Variants in SELENOI observed in about 807,000 individuals in gnomAD.
SELENOI encodes the protein selenoprotein I.
Under a neutral mutation model 50.7 loss-of-function variants are expected in SELENOI, and 24 were observed. The observed-to-expected ratio is 0.47, with a 90% CI of 0.34 to 0.67. The LOEUF (loss-of-function observed/expected upper bound fraction) is 0.67. Among genes scored for constraint, SELENOI ranks in the 30% least tolerant of loss-of-function variants. The pLI, the probability that SELENOI is intolerant of heterozygous loss-of-function variation, is 0.01. For synonymous variants in SELENOI, 155 were observed against 170.2 expected (o/e 0.91, Z 0.70); for missense variants, 352 against 461.4 (o/e 0.76, Z 2.17).
intron 4 of SELENOI, among the ~76,000 whole-genome samples, chr2:26,369,627 C>G (rs1322053859): frequency 6.6e-6 from 1 of 152,214 alleles, no homozygotes; most frequent in Non-Finnish European, 1.5e-5. Context: ...GCCTGTCATT[C>G]ATACCGTCAG....
At chr2:26,350,783 T>C (rs1676939881) in intron 1 of SELENOI, among the ~76,000 whole-genome samples, 1 of 151,976 alleles carries the variant, frequency 6.6e-6, no homozygotes, top group African/African-American at 2.4e-5. Context: ...GGGATGGAGG[T>C]GAAGGCAAAG....
intron 1 of SELENOI, among the ~76,000 whole-genome samples, chr2:26,357,542 A>G (rs1237381603): frequency 6.6e-6 from 1 of 152,208 alleles, no homozygotes; most frequent in East Asian, 1.9e-4. Context: ...TGGCAGAGCC[A>G]CACACCCTCC....
chr2:26,355,494 C>T (rs1025605021), intron 1 of SELENOI, among the ~76,000 whole-genome samples: 2 of 152,218 alleles, frequency 1.3e-5, no homozygotes, highest in African/African-American at 2.4e-5. Flanking sequence ...AGTTCATTCA[C>T]TAAATGACGC....
intron 8 of SELENOI, among the ~76,000 whole-genome samples, chr2:26,385,435 G>C (rs11690560): frequency 1.3e-5 from 2 of 152,094 alleles, no homozygotes; most frequent in Non-Finnish European, 2.9e-5. Context: ...ATTCCCTTTA[G>C]ACTCTAAATA....
rs1320914921 is a variant in SELENOI, at chr2:26,385,134, A to G, written c.907A>G (p.Ser303Gly). Residue 303 changes from serine (S) to glycine (G), a missense_variant, in exon 8 of 10, where the codon AGT becomes GGT. Physicochemically the swap from Ser to Gly is moderately conservative, Grantham distance 56. Coordinates refer to ENST00000260585, the MANE Select transcript of SELENOI (RefSeq NM_033505.4). ...TATGGTTGGAACAGCTTTTGCCAAC[A>G]GTACAGTAAGATTTTTTTCTTTTAA... Reference protein sequence around the residue: ...YFMVGTAFANSTCQLIVCQMS... With the variant: ...YFMVGTAFANGTCQLIVCQMS... 6.6e-7 allele frequency: 1 copy of G among 1,519,296 alleles called. No homozygotes were observed. The highest frequency in any genetic ancestry group is 8.8e-7 in the Non-Finnish European group (1 of 1,135,162). 94.1% of individuals were successfully genotyped at this position (1,519,296 alleles called of 1,614,324 possible).
intron 6 of SELENOI, among the ~76,000 whole-genome samples, chr2:26,379,313 A>G (rs919280320): frequency 2.6e-5 from 4 of 151,910 alleles, no homozygotes; most frequent in East Asian, 3.9e-4. Flanking sequence ...GCTTTTCCCT[A>G]TTTTTTCTTT....
chr2:26,377,783 G>A (rs1332475599), intron 6 of SELENOI, among the ~76,000 whole-genome samples: 1 of 151,898 alleles, frequency 6.6e-6, no homozygotes, highest in African/African-American at 2.4e-5. Context: ...TTTAAAGTCT[G>A]TCTACTGAGT....
chr2:26,358,636 T>C (rs1383766979), intron 1 of SELENOI, among the ~76,000 whole-genome samples: 2 of 152,232 alleles, frequency 1.3e-5, no homozygotes, highest in East Asian at 1.9e-4. Context: ...CTGAGAGTTT[T>C]GGTAGGAATA....
At chr2:26,372,082 T>A (rs1452990538) in intron 4 of SELENOI, among the ~76,000 whole-genome samples, 1 of 152,216 alleles carries the variant, frequency 6.6e-6, no homozygotes, top group African/African-American at 2.4e-5. Flanking sequence ...GTTTGTGATA[T>A]ACCATACCTT....
intron 1 of SELENOI, 106 bp downstream of exon 1, chr2:26,346,395 G>A: frequency 7.5e-7 from 1 of 1,331,028 alleles, no homozygotes; most frequent in Non-Finnish European, 9.8e-7. Context: ...GTGGCTCCGG[G>A]CGGGCTGGCG....
intron 6 of SELENOI, 32 bp downstream of exon 6, chr2:26,375,180 C>G: frequency 7.1e-7 from 1 of 1,401,290 alleles, no homozygotes; most frequent in Non-Finnish European, 1.0e-6. Context: ...CCTGTTTTAA[C>G]CATCACTTTG....
Position 26,391,224 on chromosome 2 carries a change from T to A in SELENOI, c.*2121T>A, listed in dbSNP as rs1160264339. ...ATGGTGGTAAAGAATGATGCCATAG[T>A]CAGTTTTATTGACATTGTTAGATGA... On this transcript the variant is annotated 3_prime_UTR_variant, in exon 10 of 10. Transcript: ENST00000260585. 1 of 152,182 alleles carries A rather than the reference T, an allele frequency of 6.6e-6. No homozygotes were observed. The highest frequency in any genetic ancestry group is 2.4e-5 in the African/African-American group (1 of 41,444). 9.4% of individuals were successfully genotyped at this position (152,182 alleles called of 1,614,324 possible). A position where few individuals can be genotyped will look rare whatever the true frequency, so the allele number is the denominator to read the frequency against.
Position 26,351,081 on chromosome 2 carries a change from C to T in SELENOI, c.57+4792C>T, listed in dbSNP as rs1279278216. 6.8e-5 allele frequency among the ~76,000 whole-genome samples: 8 copies of T among 117,136 alleles called. No individual in the cohort carries two copies. In the South Asian group the frequency reaches 1.3e-3, roughly 20 times the overall value. 76.8% of individuals were successfully genotyped at this position (117,136 alleles called of 152,430 possible). On this transcript the variant is annotated intron_variant, in intron 1 of 9. Transcript: ENST00000260585. The stretch of plus-strand genomic sequence containing the variant: ...TTTTTTTTTTTTTTTTTTTTTGAGA[C>T]GGAGTCTCGTTTTGTTGCCCAGGCT...
intron 4 of SELENOI, among the ~76,000 whole-genome samples, chr2:26,370,082 A>G (rs1199382954): frequency 6.6e-6 from 1 of 151,178 alleles, no homozygotes; most frequent in Non-Finnish European, 1.5e-5. Context: ...GCTGCCTTCA[A>G]GCATCTGTTT....
intron 3 of SELENOI, among the ~76,000 whole-genome samples, chr2:26,366,529 G>GA (rs1677290386): frequency 6.6e-6 from 1 of 152,050 alleles, no homozygotes; most frequent in South Asian, 2.1e-4. Context: ...AAAATATTTG[G>GA]AAAATACAAG....
chr2:26,347,058 C>T (rs970280182), intron 1 of SELENOI, among the ~76,000 whole-genome samples: 1 of 152,146 alleles, frequency 6.6e-6, no homozygotes, highest in Non-Finnish European at 1.5e-5. Flanking sequence ...GTTAACTTTC[C>T]TCCAAATCTG....
At chr2:26,363,119 C>A (rs1042775926) in intron 1 of SELENOI, among the ~76,000 whole-genome samples, 1 of 152,200 alleles carries the variant, frequency 6.6e-6, no homozygotes, top group Non-Finnish European at 1.5e-5. Context: ...CGTGTTTATG[C>A]AATTCAGTAT....
rs1677978350 is a variant in SELENOI, at chr2:26,391,877, T to C, written c.*2774T>C. 6.6e-6 allele frequency: 1 copy of C among 152,218 alleles called. No homozygotes were observed. The highest frequency in any genetic ancestry group is 1.5e-5 in the Non-Finnish European group (1 of 68,024). The allele number at this position is 152,218 out of a possible 1,614,324, so 9.4% of individuals were successfully genotyped here. Reference sequence around the variant, plus strand: ...ATAAAGTGCAGTACACATTTTGACATTGCCACAGTTTACAGTGTCATTCTT... The same window carrying C: ...ATAAAGTGCAGTACACATTTTGACACTGCCACAGTTTACAGTGTCATTCTT... On this transcript the variant is annotated 3_prime_UTR_variant, in exon 10 of 10. Coordinates refer to ENST00000260585, the MANE Select transcript of SELENOI (RefSeq NM_033505.4).
At chr2:26,379,513 A>G (rs546419447) in intron 6 of SELENOI, among the ~76,000 whole-genome samples, 2 of 152,180 alleles carry the variant, frequency 1.3e-5, no homozygotes, top group Admixed American at 6.5e-5. Context: ...GCTGGGGAAC[A>G]GTGTTATTAG....
Sources: gnomAD v4.1 joint callset for allele counts (sites outside exome capture counted in the v4.1 genomes callset) on GRCh38, gnomAD v4.1.1 for gene constraint, MANE v1.5 for transcripts, NCBI Gene and HGNC (gene_info 2026-07-23, HGNC 2026-07-21) for gene names.